SSPN: variants seen among roughly 807,000 people sequenced by gnomAD.
SSPN encodes the protein K-ras oncogene-associated protein.
In SSPN, 15 loss-of-function variants were observed where a neutral mutation model predicts 19.1. The ratio of observed to expected loss-of-function variants is 0.78; its 90% confidence interval spans 0.52 to 1.21. The LOEUF (loss-of-function observed/expected upper bound fraction) is 1.21, where lower values mean the gene tolerates loss of function less well. Ranked by LOEUF, SSPN falls within the 50% of genes most tolerant of loss-of-function variation. SSPN has a pLI of 0.00. For missense variants in SSPN, 291 were observed against 314.0 expected (o/e 0.93, Z 0.55); for synonymous variants, 147 against 140.3 (o/e 1.05, Z -0.34).
At chr12:26,207,618 C>T (rs1354714692) in intron 1 of SSPN, among the ~76,000 whole-genome samples, 1 of 152,136 alleles carries the variant, frequency 6.6e-6, no homozygotes, top group Non-Finnish European at 1.5e-5. Flanking sequence ...ATCATTTCTG[C>T]TCAACATCGT....
intron 1 of SSPN, among the ~76,000 whole-genome samples, chr12:26,209,264 A>G (rs1202633695): frequency 1.3e-5 from 2 of 152,054 alleles, no homozygotes; most frequent in African/African-American, 4.8e-5. Context: ...TTTCATATCA[A>G]TTATTTGATA....
chr12:26,193,680 G>A (rs1276257618), upstream of SSPN, among the ~76,000 whole-genome samples: 2 of 152,230 alleles, frequency 1.3e-5, no homozygotes. Context: ...CCCTTGTGGT[G>A]TGATGGCCCC....
intron 1 of SSPN, among the ~76,000 whole-genome samples, chr12:26,131,109 A>T (rs1944395213): frequency 6.6e-6 from 1 of 152,142 alleles, no homozygotes; most frequent in Non-Finnish European, 1.5e-5. Flanking sequence ...TTTTTTCATC[A>T]GTGAGTCTCT....
In SSPN at chr12:26,189,374, A is replaced by G. The variant is rs79791237; in HGVS notation, c.-30-34919A>G. 8.5e-5 allele frequency among the ~76,000 whole-genome samples: 13 copies of G among 152,298 alleles called. 1 individual carries two copies. The East Asian group carries it at 2.3e-3, about 27-fold the overall frequency. Reference sequence around the variant, plus strand: ...GAAAAAATACTGATCCTACATTCATACGTACATATCTAGGAACTCTCAGCT... The same window carrying G: ...GAAAAAATACTGATCCTACATTCATGCGTACATATCTAGGAACTCTCAGCT... On this transcript the variant is annotated intron_variant, in intron 1 of 2. Coordinates refer to the SSPN transcript ENST00000538142.
intron 1 of SSPN, among the ~76,000 whole-genome samples, chr12:26,198,642 C>A (rs180890276): frequency 2.6e-5 from 4 of 152,326 alleles, no homozygotes; most frequent in African/African-American, 9.6e-5. Context: ...TGACTCGCTA[C>A]ATTTCCAAGA....
chr12:26,125,315 G>C (rs1427015476), intron 1 of SSPN: 1 of 229,616 alleles, frequency 4.4e-6, no homozygotes, highest in Non-Finnish European at 8.7e-6. Flanking sequence ...GTGCGGGGCA[G>C]CCTGAGCTTC....
intron 1 of SSPN, among the ~76,000 whole-genome samples, chr12:26,149,946 T>G (rs1944515385): frequency 6.6e-6 from 1 of 152,240 alleles, no homozygotes; most frequent in Non-Finnish European, 1.5e-5. Context: ...TAAATCCTTT[T>G]GTACATGTAC....
At chr12:26,176,983 T>G (rs1420304590) in intron 1 of SSPN, among the ~76,000 whole-genome samples, 2 of 152,220 alleles carry the variant, frequency 1.3e-5, no homozygotes, top group African/African-American at 4.8e-5. Context: ...TTTATTACCT[T>G]AAGAATAAAG....
At position 26,124,540 on chromosome 12, in the gene SSPN, G is replaced by A. The variant is rs995022237; in HGVS notation, c.-31+2388G>A. 2.5e-6 allele frequency: 4 copies of A among 1,613,958 alleles called. No homozygotes were observed. The African/African-American group carries it at 4.0e-5, about 16-fold the overall frequency. ...TTACCTTGGTGTCGTCTCGTTTCATGCTCCTTTTGGGTTTACACATATACA... is the reference window on the plus strand; with the variant it reads ...TTACCTTGGTGTCGTCTCGTTTCATACTCCTTTTGGGTTTACACATATACA... On this transcript the variant is annotated intron_variant, in intron 1 of 2. Transcript: ENST00000538142.
chr12:26,178,029 C>T (rs1944695431), intron 1 of SSPN, among the ~76,000 whole-genome samples: 2 of 152,178 alleles, frequency 1.3e-5, no homozygotes, highest in Admixed American at 1.3e-4. Flanking sequence ...TAGGTATTCA[C>T]CAGCTACCCA....
intron 1 of SSPN, among the ~76,000 whole-genome samples, chr12:26,152,847 C>A (rs1301936188): frequency 6.6e-6 from 1 of 152,232 alleles, no homozygotes; most frequent in Non-Finnish European, 1.5e-5. Context: ...AAGGGCCTAT[C>A]TTATCTGGCT....
intron 1 of SSPN, among the ~76,000 whole-genome samples, chr12:26,208,096 C>T (rs1008813351): frequency 6.6e-6 from 1 of 151,926 alleles, no homozygotes; most frequent in Admixed American, 6.6e-5. Flanking sequence ...TTTTATTTTG[C>T]ATTTACGGTG....
Position 26,161,636 on chromosome 12 carries a change from G to GTC in SSPN, c.-31+39490_-31+39491dup, listed in dbSNP as rs1944589677. Among the ~76,000 whole-genome samples, 3 of 152,184 alleles carry GTC rather than the reference G, an allele frequency of 2.0e-5. No homozygotes were observed. In the South Asian group the frequency reaches 6.2e-4, roughly 32 times the overall value. On this transcript the variant is annotated intron_variant, in intron 1 of 2. Coordinates refer to the SSPN transcript ENST00000538142. ...TAAATGTAAACTACACAAGGTCAGGGTCTCTCTTTTGCTCAGGTGCCTAGA... is the reference window on the plus strand; with the variant it reads ...TAAATGTAAACTACACAAGGTCAGGGTCTCTCTCTTTTGCTCAGGTGCCTAGA...
Position 26,230,833 on chromosome 12 carries a change from G to A in SSPN, c.489G>A (p.Gln163=), listed in dbSNP as rs1353348180. 1.2e-6 allele frequency: 2 copies of A among 1,614,196 alleles called. No homozygotes were observed. Among genetic ancestry groups the A allele is most frequent in the East Asian group, 4.5e-5 (2 of 44,892 alleles). The change falls in exon 3 of 3, where the codon CAG becomes CAA. Residue 163 remains glutamine (Q), a synonymous_variant. Transcript: ENST00000242729. The part of the protein sequence containing the change: ...FTCETTLDSC[Q]CKLPSSEPLS... The stretch of plus-strand genomic sequence containing the variant: ...GTGAGACCACACTCGACTCTTGCCA[G>A]TGCAAACTGCCCTCCTCGGAGCCGC...
At chr12:26,211,580 A>T (rs1377220030) in intron 1 of SSPN, 1 of 152,204 alleles carries the variant, frequency 6.6e-6, no homozygotes, top group African/African-American at 2.4e-5. Flanking sequence ...CTATATCCAT[A>T]AGATTTGGGG....
intron 1 of SSPN, among the ~76,000 whole-genome samples, chr12:26,153,061 C>A (rs1944535008): frequency 6.6e-6 from 1 of 152,222 alleles, no homozygotes; most frequent in African/African-American, 2.4e-5. Flanking sequence ...GCTGAAGTAT[C>A]ATCCCCTAAA....
At chr12:26,158,395 G>A (rs189903042) in intron 1 of SSPN, among the ~76,000 whole-genome samples, 2 of 152,190 alleles carry the variant, frequency 1.3e-5, no homozygotes, top group East Asian at 3.9e-4. Flanking sequence ...TGTCAGCGTA[G>A]GGGCCTAGCC....
chr12:26,204,967 T>C (rs538470748), intron 1 of SSPN, among the ~76,000 whole-genome samples: 17 of 152,362 alleles, frequency 1.1e-4, no homozygotes, highest in African/African-American at 3.8e-4. Context: ...TCTGAGCTAA[T>C]GTTGCTAGAG....
chr12:26,170,213 T>G (rs1246893389), intron 1 of SSPN, among the ~76,000 whole-genome samples: 4 of 152,342 alleles, frequency 2.6e-5, no homozygotes, highest in Non-Finnish European at 5.9e-5. Context: ...CTGCATTTAT[T>G]TGTACACCTA....
Sources: gnomAD v4.1 joint callset for allele counts (sites outside exome capture counted in the v4.1 genomes callset) on GRCh38, gnomAD v4.1.1 for gene constraint, MANE v1.5 for transcripts, NCBI Gene and HGNC (gene_info 2026-07-23, HGNC 2026-07-21) for gene names.